RXRA: variants seen among roughly 807,000 people sequenced by gnomAD.
RXRA encodes the protein retinoic acid receptor RXR-alpha.
Under a neutral mutation model 44.5 loss-of-function variants are expected in RXRA, and 5 were observed. The observed-to-expected ratio is 0.11, with a 90% CI of 0.06 to 0.24. The LOEUF (loss-of-function observed/expected upper bound fraction) is 0.24. Ranked by LOEUF, RXRA falls within the 10% of genes least tolerant of loss-of-function variation. RXRA has a pLI of 1.00. For synonymous variants in RXRA, 291 were observed against 271.4 expected, an observed-to-expected ratio of 1.07 and a Z score of -0.71; for missense variants, 412 against 646.5, an observed-to-expected ratio of 0.64 and a Z score of 3.93.
At chr9:134,411,940 C>T (rs1175088542) in intron 4 of RXRA, among the ~76,000 whole-genome samples, 1 of 152,176 alleles carries the variant, frequency 6.6e-6, no homozygotes, top group Admixed American at 6.5e-5. Flanking sequence ...GCAGCCCAGG[C>T]ACTCGCCCTG....
chr9:134,354,076 C>T (rs1448833129), intron 1 of RXRA, among the ~76,000 whole-genome samples: 4 of 152,162 alleles, frequency 2.6e-5, no homozygotes, highest in African/African-American at 9.7e-5. Flanking sequence ...ACACTTAGGT[C>T]CATGCCTGGG....
At chr9:134,383,415 A>G (rs1303303569) in intron 1 of RXRA, among the ~76,000 whole-genome samples, 1 of 152,144 alleles carries the variant, frequency 6.6e-6, no homozygotes, top group Non-Finnish European at 1.5e-5. Flanking sequence ...GGGGCCCTGC[A>G]GTCTTGGACC....
intron 5 of RXRA, 145 bp from the exon 6 acceptor site, chr9:134,421,531 C>T: frequency 1.1e-6 from 1 of 920,782 alleles, no homozygotes; most frequent in Non-Finnish European, 1.6e-6. Context: ...GTCCCAGGTT[C>T]TGGGGATTGG....
chr9:134,351,319 C>T (rs1391416167), intron 1 of RXRA, among the ~76,000 whole-genome samples: 1 of 152,306 alleles, frequency 6.6e-6, no homozygotes, highest in Admixed American at 6.5e-5. Context: ...GGAGGTCACT[C>T]GAAAGGGGCC....
chr9:134,429,843 C>T (rs1224152290), intron 7 of RXRA, among the ~76,000 whole-genome samples: 1 of 152,084 alleles, frequency 6.6e-6, no homozygotes, highest in Non-Finnish European at 1.5e-5. Flanking sequence ...CAACTCCGCT[C>T]TGCCAGGCGA....
At chr9:134,346,431 C>T (rs1362408260) in intron 1 of RXRA, among the ~76,000 whole-genome samples, 24 of 152,344 alleles carry the variant, frequency 1.6e-4, no homozygotes, top group Admixed American at 1.2e-3. Flanking sequence ...CCCCAGCTGC[C>T]GTGGCCTCAC....
chr9:134,370,608 A>G (rs1021653064), intron 1 of RXRA, among the ~76,000 whole-genome samples: 1 of 152,218 alleles, frequency 6.6e-6, no homozygotes, highest in Admixed American at 6.5e-5. Context: ...TCAGGGTTTC[A>G]GAGTGCTGCC....
chr9:134,401,024 G>A (rs548227420), intron 1 of RXRA, among the ~76,000 whole-genome samples: 1 of 152,320 alleles, frequency 6.6e-6, no homozygotes, highest in African/African-American at 2.4e-5. Flanking sequence ...GTCAGCAGGC[G>A]CCGCCAGTCC....
rs1024538038 is a variant in RXRA, at chr9:134,384,772, C to T, written c.29-16860C>T. On this transcript the variant is annotated intron_variant, in intron 1 of 9. Coordinates refer to ENST00000481739, the MANE Select transcript of RXRA (RefSeq NM_002957.6). ...CTCTGTGTCCCACCTGCTGCCTTGA[C>T]GCTGGTGCCCTGGGCTTTTGTGGGC... is the stretch of plus-strand genomic sequence containing the variant. 7.9e-5 allele frequency among the ~76,000 whole-genome samples: 12 copies of T among 152,294 alleles called. 1 individual carries two copies. The highest frequency in any genetic ancestry group is 3.4e-3 in the Middle Eastern group (1 of 294).
chr9:134,419,207 G>A (rs1301091695), intron 5 of RXRA, among the ~76,000 whole-genome samples: 1 of 152,252 alleles, frequency 6.6e-6, no homozygotes, highest in Non-Finnish European at 1.5e-5. Flanking sequence ...GAGGGCAGGG[G>A]AGGGAGGGTG....
At chr9:134,376,542 C>T (rs1239337139) in intron 1 of RXRA, among the ~76,000 whole-genome samples, 1 of 15,110 alleles carries the variant, frequency 6.6e-5, no homozygotes. Context: ...ACAGCCTGGC[C>T]AGCTGCGTGG....
At chr9:134,411,263 G>C (rs35672348) in intron 4 of RXRA, among the ~76,000 whole-genome samples, 239 of 152,270 alleles carry the variant, frequency 1.6e-3, no homozygotes, top group African/African-American at 4.8e-3. Context: ...AGCTGCCTGG[G>C]CCCCCCAAAG....
chr9:134,380,116 A>G, intron 1 of RXRA: 1 of 985,430 alleles, frequency 1.0e-6, no homozygotes, highest in Non-Finnish European at 1.2e-6. Flanking sequence ...CTGAGGGCCA[A>G]GTGTGGCCTT....
At chr9:134,330,991 C>T (rs782746986) in intron 1 of RXRA, among the ~76,000 whole-genome samples, 2 of 152,156 alleles carry the variant, frequency 1.3e-5, no homozygotes, top group Non-Finnish European at 2.9e-5. Context: ...GTTTCCAGCA[C>T]TGGACCAGAA....
intron 6 of RXRA, among the ~76,000 whole-genome samples, chr9:134,428,101 T>A (rs1831464033): frequency 6.6e-6 from 1 of 152,186 alleles, no homozygotes; most frequent in Non-Finnish European, 1.5e-5. Flanking sequence ...TCCTCCCCGA[T>A]GCCTGCTCTG....
At chr9:134,422,232 C>T in intron 6 of RXRA, 2 of 1,286,486 alleles carry the variant, frequency 1.6e-6, no homozygotes, top group Non-Finnish European at 2.0e-6. Flanking sequence ...ACATACTCCC[C>T]ACTCCTGGGA....
At position 134,380,877 on chromosome 9, in the gene RXRA, C is replaced by T. The variant is rs187375048; in HGVS notation, c.29-20755C>T. On this transcript the variant is annotated intron_variant, in intron 1 of 9. Transcript: ENST00000481739. ...GCAGACGGCACCTTCTACCCATGGC[C>T]GGATCCCCCCCTGTCAATCTGCAGT... Among the ~76,000 whole-genome samples the T allele has an allele frequency of 2.6e-3, 398 of 152,092 alleles. 2 individuals carry two copies. Among genetic ancestry groups the T allele is most frequent in the African/African-American group, 8.9e-3 (370 of 41,372 alleles).
At chr9:134,380,994 A>T (rs35884377) in intron 1 of RXRA, among the ~76,000 whole-genome samples, 102,045 of 152,026 alleles carry the variant, frequency 0.67, 35,061 homozygotes, top group East Asian at 0.8. Flanking sequence ...CCCAGCGGGC[A>T]GGAGGTGCAG....
At chr9:134,346,675 GC>G (rs1239608900) in intron 1 of RXRA, among the ~76,000 whole-genome samples, 1 of 152,194 alleles carries the variant, frequency 6.6e-6, no homozygotes, top group Non-Finnish European at 1.5e-5. Context: ...GTGGGTGGAT[GC>G]CCCCAAGGGT....
Sources: allele counts gnomAD v4.1 joint callset (sites outside exome capture counted in the v4.1 genomes callset), GRCh38; gene constraint gnomAD v4.1.1; transcripts MANE v1.5; gene names NCBI Gene and HGNC (gene_info 2026-07-23, HGNC 2026-07-21).